ZNG1E: variants seen among roughly 807,000 people sequenced by gnomAD.
ZNG1E encodes zinc-regulated GTPase metalloprotein activator 1E.
chr9:65,687,718 T>G, the ZNG1E span, among the ~76,000 whole-genome samples: 1 of 151,012 alleles, frequency 6.6e-6, no homozygotes, highest in East Asian at 1.9e-4. Context: ...AACTTTGTGG[T>G]CACTGTTTTA....
chr9:65,681,047 C>T, the ZNG1E span, among the ~76,000 whole-genome samples: 1 of 151,916 alleles, frequency 6.6e-6, no homozygotes, highest in Admixed American at 6.6e-5. Flanking sequence ...CTTGGCCTCC[C>T]TATAAGTTTA....
the ZNG1E span, among the ~76,000 whole-genome samples, chr9:65,672,582 A>T: frequency 1.1e-4 from 17 of 151,866 alleles, no homozygotes; most frequent in African/African-American, 4.1e-4. Context: ...CGTCTCTACT[A>T]AAAATACAAA....
chr9:65,715,253 G>A, the ZNG1E span, among the ~76,000 whole-genome samples: 10 of 145,830 alleles, frequency 6.9e-5, 1 homozygote, highest in African/African-American at 1.6e-4. Flanking sequence ...GCCCTGCTTC[G>A]GCTCGCGGAT....
the ZNG1E span, among the ~76,000 whole-genome samples, chr9:65,724,806 CTT>C: frequency 1.0e-5 from 1 of 100,144 alleles, no homozygotes; most frequent in South Asian, 3.9e-4. Context: ...ATTTGACAAC[CTT>C]TTGCTGTATA....
At chr9:65,693,086 C>CA in the ZNG1E span, among the ~76,000 whole-genome samples, 1 of 152,290 alleles carries the variant, frequency 6.6e-6, no homozygotes, top group Non-Finnish European at 1.5e-5. Context: ...ACCTATGTAA[C>CA]AAACCTGCAC....
the ZNG1E span, among the ~76,000 whole-genome samples, chr9:65,662,455 A>C: frequency 6.6e-6 from 1 of 152,228 alleles, no homozygotes; most frequent in African/African-American, 2.4e-5. Flanking sequence ...CCTGCTTTTG[A>C]TCATGGTAGT....
the ZNG1E span, among the ~76,000 whole-genome samples, chr9:65,722,697 A>AATTTTTTTT: frequency 1.2e-4 from 1 of 8,396 alleles, no homozygotes; most frequent in Non-Finnish European, 2.0e-4. Flanking sequence ...TGCCTAGCTA[A>AATTTTTTTT]TTTTTTTTTT....
At chr9:65,726,488 T>TAA in the ZNG1E span, among the ~76,000 whole-genome samples, 1 of 23,914 alleles carries the variant, frequency 4.2e-5, no homozygotes, top group South Asian at 2.8e-3. Context: ...GTAAGGATAT[T>TAA]AAAAAAAAAA....
the ZNG1E span, among the ~76,000 whole-genome samples, chr9:65,680,019 C>T: frequency 6.6e-6 from 1 of 152,276 alleles, no homozygotes; most frequent in Non-Finnish European, 1.5e-5. Context: ...AACATATGGT[C>T]TTTATCCTCA....
chr9:65,709,317 T>C, the ZNG1E span, among the ~76,000 whole-genome samples: 1 of 151,384 alleles, frequency 6.6e-6, no homozygotes, highest in Non-Finnish European at 1.5e-5. Flanking sequence ...TATTTTTTTA[T>C]TTTTTATTTT....
At chr9:65,684,260 G>C in the ZNG1E span, among the ~76,000 whole-genome samples, 2 of 151,726 alleles carry the variant, frequency 1.3e-5, no homozygotes, top group Non-Finnish European at 2.9e-5. Context: ...GTAAGGGCTG[G>C]GCATGGTGGC....
chr9:65,704,955 C>CA, the ZNG1E span: 1 of 133,580 alleles, frequency 7.5e-6, no homozygotes, highest in Non-Finnish European at 1.6e-5. Flanking sequence ...ATTTGGTTAA[C>CA]AAAATAGTCA....
the ZNG1E span, among the ~76,000 whole-genome samples, chr9:65,691,420 T>C: frequency 1.1e-4 from 16 of 151,888 alleles, no homozygotes; most frequent in African/African-American, 3.9e-4. Flanking sequence ...GTTAAGCTTA[T>C]TGTTGTTCAT....
chr9:65,657,629 A>G, the ZNG1E span, among the ~76,000 whole-genome samples: 5 of 152,212 alleles, frequency 3.3e-5, no homozygotes, highest in African/African-American at 1.2e-4. Context: ...GTTAGATAGA[A>G]TGAATAAATC....
chr9:65,675,177 G>A, the ZNG1E span, among the ~76,000 whole-genome samples: 2 of 152,288 alleles, frequency 1.3e-5, no homozygotes, highest in African/African-American at 2.4e-5. Context: ...AAGCGGGGGC[G>A]GTGCACATAG....
the ZNG1E span, among the ~76,000 whole-genome samples, chr9:65,699,059 G>A: frequency 7.2e-4 from 107 of 147,812 alleles, no homozygotes; most frequent in African/African-American, 2.5e-3. Context: ...GCTAATTTTT[G>A]CATTTTTTTA....
At chr9:65,690,620 GTC>G in the ZNG1E span, 89 of 218,188 alleles carry the variant, frequency 4.1e-4, no homozygotes, top group Non-Finnish European at 6.6e-4. Flanking sequence ...ATAAAAATAA[GTC>G]TGATGTGCAC....
chr9:65,674,469 G>C, the ZNG1E span, among the ~76,000 whole-genome samples: 1 of 152,284 alleles, frequency 6.6e-6, no homozygotes, highest in South Asian at 2.1e-4. Flanking sequence ...AGATTTTTAT[G>C]ACCTAACCTG....
the ZNG1E span, among the ~76,000 whole-genome samples, chr9:65,684,952 G>A: frequency 1.3e-5 from 2 of 151,906 alleles, no homozygotes; most frequent in Admixed American, 1.3e-4. Context: ...CTACTTGGGA[G>A]GATCACTTGA....
Sources: gnomAD v4.1 joint callset for allele counts (sites outside exome capture counted in the v4.1 genomes callset) on GRCh38, gnomAD v4.1.1 for gene constraint, MANE v1.5 for transcripts, NCBI Gene and HGNC (gene_info 2026-07-23, HGNC 2026-07-21) for gene names.